Variants in GALNT13 observed in about 807,000 individuals in gnomAD.
GALNT13 encodes the protein UDP-GalNAc:polypeptide N-acetylgalactosaminyltransferase 13.
A neutral mutation model predicts 64.2 loss-of-function variants in GALNT13; 28 were observed. That is an observed-to-expected ratio of 0.44 (90% confidence interval 0.32 to 0.60). The LOEUF is 0.60. Among genes scored for constraint, GALNT13 ranks in the 20% least tolerant of loss-of-function variants. The pLI is 0.05. For missense variants in GALNT13, 577 were observed against 669.8 expected, an observed-to-expected ratio of 0.86 and a Z score of 1.53; for synonymous variants, 214 against 224.6, an observed-to-expected ratio of 0.95 and a Z score of 0.42.
the GALNT13 span, among the ~76,000 whole-genome samples, chr2:153,625,601 T>C: frequency 1.3e-5 from 2 of 152,176 alleles, no homozygotes; most frequent in Admixed American, 1.3e-4. Flanking sequence ...TGTTCTGTTC[T>C]GTTCATTGTT....
At chr2:153,545,650 CT>C in the GALNT13 span, among the ~76,000 whole-genome samples, 4 of 152,120 alleles carry the variant, frequency 2.6e-5, no homozygotes, top group African/African-American at 7.2e-5. Context: ...ACTTGGTACT[CT>C]GGACCCCACT....
intron 3 of GALNT13, among the ~76,000 whole-genome samples, chr2:153,962,298 A>ATAAG (rs1209379951): frequency 6.6e-6 from 1 of 152,230 alleles, no homozygotes; most frequent in African/African-American, 2.4e-5. Context: ...GTAGTAGTCA[A>ATAAG]TAAGTCAAGA....
the GALNT13 span, among the ~76,000 whole-genome samples, chr2:153,512,269 A>G: frequency 2.6e-5 from 4 of 152,312 alleles, no homozygotes; most frequent in Admixed American, 6.5e-5. Flanking sequence ...CAGGTGGTGT[A>G]GACTTCAAAA....
At position 154,191,853 on chromosome 2, in the gene GALNT13, C is replaced by T. The variant is rs370929537; in HGVS notation, c.312-50177C>T. Among the ~76,000 whole-genome samples, 8 of 152,264 alleles carry T rather than the reference C, an allele frequency of 5.3e-5. No homozygotes were observed. The South Asian group carries it at 1.7e-3, about 32-fold the overall frequency. On this transcript the variant is annotated intron_variant, in intron 4 of 12. Coordinates refer to ENST00000392825, the MANE Select transcript of GALNT13 (RefSeq NM_052917.4). The stretch of plus-strand genomic sequence containing the variant: ...CCATGTGCCCTTTTAGTTTAGCCAA[C>T]CGCTGTTGGCTGTGTTTATCAGCTC...
intron 10 of GALNT13, among the ~76,000 whole-genome samples, chr2:154,401,770 G>A (rs1057076313): frequency 2.0e-5 from 3 of 152,010 alleles, no homozygotes; most frequent in Non-Finnish European, 2.9e-5. Flanking sequence ...AAATTAAATT[G>A]TTTATTTTGC....
At chr2:153,519,268 ATTG>A in the GALNT13 span, among the ~76,000 whole-genome samples, 3 of 152,162 alleles carry the variant, frequency 2.0e-5, no homozygotes, top group Admixed American at 2.0e-4. Context: ...GATTGTTGAT[ATTG>A]TTAGCAGAGT....
In GALNT13 at chr2:154,345,495, G is replaced by A. The variant is rs541024187; in HGVS notation, c.1156+43906G>A. 6.2e-4 allele frequency among the ~76,000 whole-genome samples: 94 copies of A among 152,106 alleles called. 1 individual carries two copies. The South Asian group carries it at 0.019, about 31-fold the overall frequency. On this transcript the variant is annotated intron_variant, in intron 9 of 12. Transcript: ENST00000392825. ...CACTAGCTATACCTGGCTTCTGAGTGCGTAAAATGTGCCTAGATTGATTAA... is the reference window on the plus strand; with the variant it reads ...CACTAGCTATACCTGGCTTCTGAGTACGTAAAATGTGCCTAGATTGATTAA...
At chr2:153,804,690 CACAA>C in the GALNT13 span, among the ~76,000 whole-genome samples, 3 of 151,936 alleles carry the variant, frequency 2.0e-5, no homozygotes, top group Non-Finnish European at 4.4e-5. Context: ...GAAATAACTA[CACAA>C]ACAAATTGTA....
At chr2:153,960,903 T>G (rs1410323065) in intron 3 of GALNT13, among the ~76,000 whole-genome samples, 1 of 152,218 alleles carries the variant, frequency 6.6e-6, no homozygotes, top group African/African-American at 2.4e-5. Flanking sequence ...AATTAATAAC[T>G]AAATGGAATA....
At chr2:154,439,029 G>T (rs993454316) in intron 12 of GALNT13, among the ~76,000 whole-genome samples, 1 of 151,990 alleles carries the variant, frequency 6.6e-6, no homozygotes, top group South Asian at 2.1e-4. Context: ...TATCTGAGAG[G>T]TTTGTATGAA....
At chr2:153,228,929 A>T in the GALNT13 span, among the ~76,000 whole-genome samples, 1 of 152,034 alleles carries the variant, frequency 6.6e-6, no homozygotes, top group Non-Finnish European at 1.5e-5. Flanking sequence ...CCTTGTATCC[A>T]AATCTACATG....
the GALNT13 span, among the ~76,000 whole-genome samples, chr2:153,831,577 C>G: frequency 6.6e-6 from 1 of 151,830 alleles, no homozygotes; most frequent in Admixed American, 6.6e-5. Flanking sequence ...ACCCAGAAAC[C>G]CAGCACCGTT....
At chr2:154,312,426 C>T (rs1694097911) in intron 9 of GALNT13, among the ~76,000 whole-genome samples, 1 of 152,000 alleles carries the variant, frequency 6.6e-6, no homozygotes, top group Non-Finnish European at 1.5e-5. Context: ...CCTTTTTATT[C>T]GTATGCTTTG....
chr2:154,119,232 C>A (rs1230685779), intron 3 of GALNT13, among the ~76,000 whole-genome samples: 1 of 152,020 alleles, frequency 6.6e-6, no homozygotes, highest in Non-Finnish European at 1.5e-5. Flanking sequence ...TTTCTTTTTT[C>A]TTCAGCACTT....
At chr2:153,838,095 T>C in the GALNT13 span, among the ~76,000 whole-genome samples, 2 of 152,052 alleles carry the variant, frequency 1.3e-5, no homozygotes, top group Non-Finnish European at 2.9e-5. Context: ...CCTTTGTCCA[T>C]TTTTAACTAT....
chr2:153,381,304 C>G, the GALNT13 span, among the ~76,000 whole-genome samples: 1 of 151,988 alleles, frequency 6.6e-6, no homozygotes. Context: ...AGGAACAAAG[C>G]CTTTTTTTTC....
the GALNT13 span, among the ~76,000 whole-genome samples, chr2:153,328,418 C>A: frequency 6.6e-6 from 1 of 152,204 alleles, no homozygotes; most frequent in Non-Finnish European, 1.5e-5. Context: ...CCCCTTCCCC[C>A]AAGTGCTCTG....
chr2:154,418,916 C>T (rs1559144335), intron 11 of GALNT13, among the ~76,000 whole-genome samples: 1 of 152,158 alleles, frequency 6.6e-6, no homozygotes, highest in East Asian at 1.9e-4. Flanking sequence ...ACTGATTCTT[C>T]AGAAAGTTTT....
At chr2:153,398,084 C>A in the GALNT13 span, among the ~76,000 whole-genome samples, 1 of 147,088 alleles carries the variant, frequency 6.8e-6, no homozygotes, top group African/African-American at 2.5e-5. Context: ...CCCCCTACCC[C>A]ACAACAGTCC....
Sources: gnomAD v4.1 joint callset for allele counts (sites outside exome capture counted in the v4.1 genomes callset) on GRCh38, gnomAD v4.1.1 for gene constraint, MANE v1.5 for transcripts, NCBI Gene and HGNC (gene_info 2026-07-23, HGNC 2026-07-21) for gene names.